PREX2: variants seen among roughly 807,000 people sequenced by gnomAD.
The protein encoded by PREX2 is phosphatidylinositol 3,4,5-trisphosphate-dependent Rac exchanger 2 protein.
Under a neutral mutation model 203.2 loss-of-function variants are expected in PREX2, and 107 were observed. The observed-to-expected ratio is 0.53, with a 90% CI of 0.45 to 0.62. The LOEUF is 0.62. Ranked by LOEUF, PREX2 falls within the 20% of genes least tolerant of loss-of-function variation. The pLI, the probability that PREX2 is intolerant of heterozygous loss-of-function variation, is 0.00. For missense variants in PREX2, 1,777 were observed against 1,955.9 expected, an observed-to-expected ratio of 0.91 and a Z score of 1.72; for synonymous variants, 672 against 663.6, an observed-to-expected ratio of 1.01 and a Z score of -0.19.
At chr8:68,087,463 C>G (rs1809727800) in intron 18 of PREX2, among the ~76,000 whole-genome samples, 1 of 152,148 alleles carries the variant, frequency 6.6e-6, no homozygotes, top group Non-Finnish European at 1.5e-5. Context: ...GAGATTGAGG[C>G]TGCAGTGAGC....
At chr8:68,144,415 G>A (rs1032472406) in intron 33 of PREX2, among the ~76,000 whole-genome samples, 3 of 151,944 alleles carry the variant, frequency 2.0e-5, no homozygotes, top group African/African-American at 7.2e-5. Context: ...TTTTATTAAA[G>A]TTATACCTAA....
At chr8:67,976,240 T>C (rs1806081055) in intron 1 of PREX2, among the ~76,000 whole-genome samples, 1 of 152,134 alleles carries the variant, frequency 6.6e-6, no homozygotes, top group Non-Finnish European at 1.5e-5. Flanking sequence ...ATTTTATCCC[T>C]GGATCTCTTG....
intron 33 of PREX2, among the ~76,000 whole-genome samples, chr8:68,140,299 C>T (rs561249568): frequency 6.6e-6 from 1 of 152,302 alleles, no homozygotes; most frequent in South Asian, 2.1e-4. Context: ...CAAAGCGTAA[C>T]CTCAACTTCT....
chr8:68,116,680 G>A (rs1201223949), intron 26 of PREX2, among the ~76,000 whole-genome samples: 3 of 152,076 alleles, frequency 2.0e-5, no homozygotes, highest in Admixed American at 2.0e-4. Flanking sequence ...CCCTTCTTAT[G>A]AGGACATTTT....
intron 37 of PREX2, among the ~76,000 whole-genome samples, chr8:68,204,017 C>G (rs755027406): frequency 1.1e-4 from 16 of 152,028 alleles, no homozygotes. Flanking sequence ...GGTACCCAAC[C>G]TATTCAGTTA....
intron 14 of PREX2, among the ~76,000 whole-genome samples, chr8:68,075,698 A>T (rs1279432812): frequency 1.3e-5 from 2 of 152,210 alleles, no homozygotes; most frequent in Admixed American, 1.3e-4. Flanking sequence ...TTGGCACAAT[A>T]TGTAGAAAAA....
At chr8:68,005,623 T>C (rs1807073093) in intron 1 of PREX2, among the ~76,000 whole-genome samples, 1 of 152,218 alleles carries the variant, frequency 6.6e-6, no homozygotes, top group African/African-American at 2.4e-5. Context: ...CCACAGATCC[T>C]TCCTAGATAT....
At chr8:68,128,051 A>G (rs1182465914) in intron 31 of PREX2, among the ~76,000 whole-genome samples, 1 of 152,204 alleles carries the variant, frequency 6.6e-6, no homozygotes, top group Non-Finnish European at 1.5e-5. Flanking sequence ...GGAAAAATGT[A>G]TGAAATATTT....
At chr8:67,983,296 C>T (rs1806324174) in intron 1 of PREX2, among the ~76,000 whole-genome samples, 1 of 152,134 alleles carries the variant, frequency 6.6e-6, no homozygotes, top group Non-Finnish European at 1.5e-5. Flanking sequence ...ACAAGGCATT[C>T]ATGAAAAGAG....
rs1271308487 is a variant in PREX2, at chr8:68,030,598, G to A, written c.645G>A (p.Lys215=). The A allele has an allele frequency of 1.9e-6, 3 of 1,613,610 alleles. No homozygotes were observed. Among genetic ancestry groups the A allele is most frequent in the African/African-American group, 2.7e-5 (2 of 74,894 alleles). ...KAVCSNINEA[K]RQMEKLEVLE... ...TCTGTTCCAACATAAACGAGGCCAA[G>A]AGACAGATGGAGAAGTTAGAAGTTT... is the stretch of plus-strand genomic sequence containing the variant. The change falls in exon 6 of 40, where the codon AAG becomes AAA. Residue 215 remains lysine, a synonymous_variant. Coordinates refer to ENST00000288368, the MANE Select transcript of PREX2 (RefSeq NM_024870.4).
At chr8:68,220,645 G>A (rs542148036) in intron 38 of PREX2, among the ~76,000 whole-genome samples, 62 of 152,226 alleles carry the variant, frequency 4.1e-4, no homozygotes, top group African/African-American at 1.1e-3. Context: ...ACCAACCTCA[G>A]TGTATCAAGA....
intron 39 of PREX2, among the ~76,000 whole-genome samples, chr8:68,230,945 G>T (rs974243210): frequency 9.2e-5 from 14 of 152,094 alleles, no homozygotes; most frequent in Non-Finnish European, 1.3e-4. Flanking sequence ...TATGAGATAG[G>T]TGCCATCTTG....
At chr8:68,063,361 C>T (rs977652422) in intron 11 of PREX2, among the ~76,000 whole-genome samples, 13 of 151,908 alleles carry the variant, frequency 8.6e-5, no homozygotes, top group Admixed American at 6.6e-5. Context: ...TGAGTTGCAG[C>T]CAAGGACATG....
intron 34 of PREX2, among the ~76,000 whole-genome samples, chr8:68,153,739 AT>A (rs1351358721): frequency 6.6e-6 from 1 of 152,188 alleles, no homozygotes; most frequent in African/African-American, 2.4e-5. Context: ...GTTTTTAAAT[AT>A]AAAACTCATC....
At chr8:68,160,955 T>A (rs889607795) in intron 35 of PREX2, among the ~76,000 whole-genome samples, 2 of 152,186 alleles carry the variant, frequency 1.3e-5, no homozygotes, top group Admixed American at 1.3e-4. Flanking sequence ...TTTGCATCAG[T>A]GTATTATTAA....
intron 35 of PREX2, among the ~76,000 whole-genome samples, chr8:68,170,366 G>T (rs750909214): frequency 8.5e-5 from 13 of 152,220 alleles, no homozygotes; most frequent in Non-Finnish European, 1.8e-4. Flanking sequence ...CATGAAAATA[G>T]TTAAAGTTTG....
chr8:68,208,410 T>C (rs1812680875), intron 37 of PREX2, among the ~76,000 whole-genome samples: 1 of 151,994 alleles, frequency 6.6e-6, no homozygotes, highest in Non-Finnish European at 1.5e-5. Flanking sequence ...ACACCCACTC[T>C]GGCAAGGTTT....
intron 23 of PREX2, chr8:68,106,162 A>G: frequency 2.9e-6 from 1 of 344,192 alleles, no homozygotes; most frequent in Non-Finnish European, 5.6e-6. Context: ...GAAGAAGGCA[A>G]GAGAAGCATA....
intron 1 of PREX2, among the ~76,000 whole-genome samples, chr8:67,953,062 G>C (rs960068156): frequency 2.6e-5 from 4 of 152,142 alleles, no homozygotes; most frequent in African/African-American, 7.2e-5. Flanking sequence ...CTTTGAGACA[G>C]AGGATTCTGG....
Sources: allele counts gnomAD v4.1 joint callset (sites outside exome capture counted in the v4.1 genomes callset), GRCh38; gene constraint gnomAD v4.1.1; transcripts MANE v1.5; gene names NCBI Gene and HGNC (gene_info 2026-07-23, HGNC 2026-07-21).